The following DYNAP variants were observed in gnomAD, a reference collection of about 807,000 sequenced individuals.
The protein encoded by DYNAP is dynactin-associated protein.
DYNAP carries 7 observed loss-of-function variants against 8.5 expected under a neutral mutation model. The ratio of observed to expected loss-of-function variants is 0.82; its 90% CI spans 0.47 to 1.54. The LOEUF (loss-of-function observed/expected upper bound fraction) is 1.54, where lower values mean the gene tolerates loss of function less well. DYNAP is among the 40% of genes most tolerant of loss of function. The probability of loss-of-function intolerance (pLI) is 0.01; values close to 1 mark genes in which losing one functional copy is unlikely to be tolerated. For missense variants in DYNAP, 256 were observed against 224.3 expected, an observed-to-expected ratio of 1.14 and a Z score of -0.90; for synonymous variants, 77 against 77.9, an observed-to-expected ratio of 0.99 and a Z score of 0.06.
At chr18:54,592,513 C>T (rs878935323) in intron 1 of DYNAP, among the ~76,000 whole-genome samples, 1 of 152,010 alleles carries the variant, frequency 6.6e-6, no homozygotes, top group Admixed American at 6.6e-5. Flanking sequence ...TATAAACACA[C>T]AGAAAATAAA....
At position 54,595,033 on chromosome 18, in the gene DYNAP, C is replaced by G. The variant is rs1359072521; in HGVS notation, c.152C>G (p.Thr51Ser). 1 of 1,612,742 alleles carries G rather than the reference C, an allele frequency of 6.2e-7. No individual in the cohort carries two copies. Among genetic ancestry groups the G allele is most frequent in the Non-Finnish European group, 8.5e-7 (1 of 1,179,176 alleles). The change falls in exon 2 of 3, where the codon ACT (threonine) becomes AGT (serine). Residue 51 changes from threonine (T) to serine (S), a missense_variant. By Grantham distance (58) the Thr-to-Ser change is moderately conservative. Coordinates refer to ENST00000648945, the MANE Select transcript of DYNAP (RefSeq NM_173629.3). ...DITSDVSPNL[T>S]GVCVNPGILA... is the part of the protein sequence containing the mutation. The stretch of plus-strand genomic sequence containing the variant: ...ACCAGTGATGTCTCTCCCAACTTAA[C>G]TGGGGTCTGCGTGAACCCAGGAATC...
intron 2 of DYNAP, among the ~76,000 whole-genome samples, chr18:54,597,243 G>A (rs2144892663): frequency 6.6e-6 from 1 of 152,170 alleles, no homozygotes; most frequent in East Asian, 1.9e-4. Flanking sequence ...GTAGGGGTGA[G>A]AGAGGAAAGA....
intron 1 of DYNAP, among the ~76,000 whole-genome samples, chr18:54,592,612 T>G (rs984249772): frequency 1.3e-5 from 2 of 152,110 alleles, no homozygotes; most frequent in African/African-American, 2.4e-5. Flanking sequence ...CGAATGTACT[T>G]TAGTTAAGTA....
the DYNAP span, among the ~76,000 whole-genome samples, chr18:54,581,665 A>C: frequency 2.0e-5 from 3 of 152,236 alleles, no homozygotes; most frequent in Non-Finnish European, 1.5e-5. Context: ...AGATAAGAGA[A>C]ACATGAAACA....
At chr18:54,586,266 G>T (rs2144881845), upstream of DYNAP, among the ~76,000 whole-genome samples, 1 of 152,044 alleles carries the variant, frequency 6.6e-6, no homozygotes, top group East Asian at 1.9e-4. Context: ...AAAAGCTGGG[G>T]CCTTGATGTT....
upstream of DYNAP, chr18:54,591,091 A>T: frequency 9.1e-7 from 1 of 1,094,830 alleles, no homozygotes; most frequent in African/African-American, 1.6e-5. Context: ...TGCAGTTAAC[A>T]TTTCATTTCC....
At chr18:54,579,046 G>T in the DYNAP span, among the ~76,000 whole-genome samples, 1 of 152,018 alleles carries the variant, frequency 6.6e-6, no homozygotes, top group African/African-American at 2.4e-5. Flanking sequence ...TGGTCCGCCC[G>T]CCTCGGCCTC....
At chr18:54,582,672 C>T in the DYNAP span, among the ~76,000 whole-genome samples, 6 of 152,212 alleles carry the variant, frequency 3.9e-5, no homozygotes, top group Non-Finnish European at 1.5e-5. Context: ...TTCAAAAATG[C>T]TGTTGTCCCT....
upstream of DYNAP, among the ~76,000 whole-genome samples, chr18:54,584,743 C>T (rs1336337799): frequency 6.6e-6 from 1 of 152,186 alleles, no homozygotes; most frequent in East Asian, 1.9e-4. Flanking sequence ...GCATGTAAAA[C>T]AATGTTATCA....
At chr18:54,588,146 GAT>G (rs1910946164), upstream of DYNAP, among the ~76,000 whole-genome samples, 1 of 151,740 alleles carries the variant, frequency 6.6e-6, no homozygotes, top group Non-Finnish European at 1.5e-5. Flanking sequence ...CTACTAATTT[GAT>G]ATCCAGTTTT....
chr18:54,597,342 A>C (rs921598873), intron 2 of DYNAP, among the ~76,000 whole-genome samples: 2 of 152,122 alleles, frequency 1.3e-5, no homozygotes, highest in Non-Finnish European at 2.9e-5. Flanking sequence ...ATAGTTGTCC[A>C]AACCCATAGA....
chr18:54,588,871 C>A (rs1910970068), upstream of DYNAP, among the ~76,000 whole-genome samples: 1 of 152,042 alleles, frequency 6.6e-6, no homozygotes, highest in African/African-American at 2.4e-5. Flanking sequence ...TTTGACAGGG[C>A]AGTTTGGAAA....
At chr18:54,590,728 C>T (rs1467484781), upstream of DYNAP, among the ~76,000 whole-genome samples, 3 of 152,128 alleles carry the variant, frequency 2.0e-5, no homozygotes, top group Admixed American at 6.6e-5. Flanking sequence ...ACTCCTTTGA[C>T]ATTATTGCCT....
chr18:54,585,995 C>G (rs1002085392), upstream of DYNAP, among the ~76,000 whole-genome samples: 1 of 152,178 alleles, frequency 6.6e-6, no homozygotes, highest in African/African-American at 2.4e-5. Context: ...CCTTGCACCC[C>G]ACTCCGTTCC....
At chr18:54,587,590 A>C (rs1318886547), upstream of DYNAP, among the ~76,000 whole-genome samples, 1 of 152,176 alleles carries the variant, frequency 6.6e-6, no homozygotes, top group Non-Finnish European at 1.5e-5. Context: ...ATTATTAAAG[A>C]CCCAAAATGT....
chr18:54,587,785 G>A, upstream of DYNAP: 1 of 400,386 alleles, frequency 2.5e-6, no homozygotes, highest in Admixed American at 4.4e-5. Context: ...GTCAGCCAGA[G>A]AGACAAGGAA....
the DYNAP span, among the ~76,000 whole-genome samples, chr18:54,580,302 G>A: frequency 6.6e-6 from 1 of 152,170 alleles, no homozygotes; most frequent in African/African-American, 2.4e-5. Context: ...ACCACTGAAA[G>A]ACACCACCTG....
At chr18:54,587,703 G>T, upstream of DYNAP, 1 of 392,556 alleles carries the variant, frequency 2.5e-6, no homozygotes, top group African/African-American at 2.1e-5. Context: ...GTGTATCAGG[G>T]ATTGTATATC....
upstream of DYNAP, among the ~76,000 whole-genome samples, chr18:54,585,725 T>C (rs1910852797): frequency 6.6e-6 from 1 of 152,212 alleles, no homozygotes; most frequent in African/African-American, 2.4e-5. Flanking sequence ...CTGAGCTGAA[T>C]TCATCACAGC....
Sources: allele counts gnomAD v4.1 joint callset (sites outside exome capture counted in the v4.1 genomes callset), GRCh38; gene constraint gnomAD v4.1.1; transcripts MANE v1.5; gene names NCBI Gene and HGNC (gene_info 2026-07-23, HGNC 2026-07-21).